The following CTIF variants were observed in gnomAD, a reference collection of about 807,000 sequenced individuals.
The protein encoded by CTIF is cap binding complex dependent translation initiation factor.
CTIF carries 21 observed loss-of-function variants against 66.0 expected under a neutral mutation model. That is an observed-to-expected ratio of 0.32 (90% CI 0.23 to 0.46). The LOEUF is 0.46. Ranked by LOEUF, CTIF falls within the 20% of genes least tolerant of loss-of-function variation. The probability of loss-of-function intolerance (pLI) is 1.00; values close to 1 mark genes in which losing one functional copy is unlikely to be tolerated. For missense variants in CTIF, 739 were observed against 812.7 expected (o/e 0.91, Z 1.10); for synonymous variants, 345 against 326.4 (o/e 1.06, Z -0.62).
chr18:48,626,165 C>T (rs1331144967), intron 2 of CTIF, among the ~76,000 whole-genome samples: 1 of 151,636 alleles, frequency 6.6e-6, no homozygotes, highest in African/African-American at 2.4e-5. Flanking sequence ...CCACACCTGG[C>T]TAATTTTCGT....
chr18:48,685,534 C>A (rs554542148), intron 6 of CTIF, among the ~76,000 whole-genome samples: 3 of 151,806 alleles, frequency 2.0e-5, no homozygotes, highest in African/African-American at 7.3e-5. Context: ...AGTATGTGCA[C>A]TTTTTAAGGG....
intron 6 of CTIF, among the ~76,000 whole-genome samples, chr18:48,677,462 C>T (rs1325796061): frequency 2.0e-5 from 3 of 152,206 alleles, no homozygotes; most frequent in Non-Finnish European, 4.4e-5. Context: ...CAACAAGGAG[C>T]GTAATGCACC....
intron 11 of CTIF, among the ~76,000 whole-genome samples, chr18:48,858,221 G>A (rs2069374332): frequency 6.6e-6 from 1 of 152,246 alleles, no homozygotes; most frequent in Admixed American, 6.5e-5. Flanking sequence ...TCCAGACGAG[G>A]ACCTGGGCCT....
intron 1 of CTIF, among the ~76,000 whole-genome samples, chr18:48,589,301 G>C (rs1363668023): frequency 6.6e-6 from 1 of 152,102 alleles, no homozygotes; most frequent in Non-Finnish European, 1.5e-5. Context: ...CTCCTGGCTC[G>C]AGGCAGCTCC....
chr18:48,760,367 T>G (rs527772246), intron 8 of CTIF: 1 of 152,054 alleles, frequency 6.6e-6, no homozygotes, highest in Non-Finnish European at 1.5e-5. Flanking sequence ...GATCCCACCA[T>G]GGAAGGGCTC....
intron 3 of CTIF, among the ~76,000 whole-genome samples, chr18:48,644,323 G>T (rs1172627539): frequency 6.6e-6 from 1 of 152,222 alleles, no homozygotes; most frequent in East Asian, 1.9e-4. Flanking sequence ...TGCATGGAGG[G>T]TAGAGTGGAG....
At chr18:48,828,224 A>G (rs1018146855) in intron 10 of CTIF, among the ~76,000 whole-genome samples, 1 of 152,210 alleles carries the variant, frequency 6.6e-6, no homozygotes, top group African/African-American at 2.4e-5. Context: ...GTTTTTAAAC[A>G]GTCTTAAAAC....
rs1292177439 is a variant in CTIF, at chr18:48,730,657, C to CCGCGG, written c.584+18962_584+18963insCGCGG. ...GGGGCCCCTGTGGTGTGAGGGGCTTCTGCGGTGTGAGGGGCTTCTGCGGTG... is the reference window on the plus strand; with the variant it reads ...GGGGCCCCTGTGGTGTGAGGGGCTTCCGCGGTGCGGTGTGAGGGGCTTCTGCGGTG... On this transcript the variant is annotated intron_variant, in intron 7 of 11. Transcript: ENST00000256413. Among the ~76,000 whole-genome samples the CCGCGG allele has an allele frequency of 7.0e-5, 10 of 143,684 alleles. 1 individual carries two copies. The highest frequency in any genetic ancestry group is 1.4e-4 in the Non-Finnish European group (9 of 64,436). The allele number at this position is 143,684 out of a possible 152,430, so 94.3% of individuals were successfully genotyped here.
At chr18:48,775,429 C>T (rs1033677076) in intron 9 of CTIF, among the ~76,000 whole-genome samples, 10 of 152,204 alleles carry the variant, frequency 6.6e-5, no homozygotes, top group Non-Finnish European at 1.3e-4. Flanking sequence ...CATGAGATGC[C>T]CACGCAGAGA....
At chr18:48,557,790 C>T (rs930096891) in intron 1 of CTIF, among the ~76,000 whole-genome samples, 2 of 152,244 alleles carry the variant, frequency 1.3e-5, no homozygotes, top group African/African-American at 4.8e-5. Context: ...CAGACAGCTG[C>T]CCTCTTGCTG....
intron 10 of CTIF, among the ~76,000 whole-genome samples, chr18:48,820,271 A>G (rs999666714): frequency 6.6e-6 from 1 of 152,188 alleles, no homozygotes; most frequent in Non-Finnish European, 1.5e-5. Context: ...TGCCTTTCGC[A>G]GCTCCGTAGG....
At chr18:48,670,588 C>G in intron 5 of CTIF, 81 bp from the exon 6 acceptor site, 1 of 1,285,968 alleles carries the variant, frequency 7.8e-7, no homozygotes, top group Non-Finnish European at 1.1e-6. Flanking sequence ...TGCTGACTGT[C>G]CCTCCTCTCC....
At chr18:48,816,303 A>G (rs1458824900) in intron 9 of CTIF, among the ~76,000 whole-genome samples, 1 of 152,236 alleles carries the variant, frequency 6.6e-6, no homozygotes, top group Non-Finnish European at 1.5e-5. Context: ...TATGGCCAAA[A>G]CCAAAGACAA....
chr18:48,684,759 C>CGCT (rs1185365174), intron 6 of CTIF, among the ~76,000 whole-genome samples: 2 of 152,158 alleles, frequency 1.3e-5, no homozygotes, highest in African/African-American at 4.8e-5. Flanking sequence ...TTACCATACT[C>CGCT]GCTTTATCAT....
chr18:48,568,948 T>C (rs2143612126), intron 1 of CTIF, among the ~76,000 whole-genome samples: 1 of 152,216 alleles, frequency 6.6e-6, no homozygotes, highest in East Asian at 1.9e-4. Flanking sequence ...GAGATTTGGG[T>C]GGGGACATAG....
At chr18:48,721,292 A>G (rs1360582080) in intron 7 of CTIF, among the ~76,000 whole-genome samples, 1 of 152,202 alleles carries the variant, frequency 6.6e-6, no homozygotes, top group Non-Finnish European at 1.5e-5. Flanking sequence ...GGCCCTGGAG[A>G]GATAAATGCC....
chr18:48,853,363 G>A (rs550410307), intron 10 of CTIF, among the ~76,000 whole-genome samples: 43 of 152,300 alleles, frequency 2.8e-4, no homozygotes, highest in Admixed American at 2.3e-3. Context: ...GAGGGAGTGA[G>A]GTCTGTGGAT....
At chr18:48,791,480 C>T (rs2067790930) in intron 9 of CTIF, among the ~76,000 whole-genome samples, 2 of 152,186 alleles carry the variant, frequency 1.3e-5, no homozygotes, top group Non-Finnish European at 2.9e-5. Context: ...CAGGGTTGGG[C>T]AGCCTCTACC....
intron 10 of CTIF, among the ~76,000 whole-genome samples, chr18:48,832,056 T>TA (rs2068703042): frequency 6.6e-6 from 1 of 151,996 alleles, no homozygotes; most frequent in African/African-American, 2.4e-5. Context: ...TAGCCTCTCA[T>TA]AGCACCAGGC....
Sources: gnomAD v4.1 joint callset for allele counts (sites outside exome capture counted in the v4.1 genomes callset) on GRCh38, gnomAD v4.1.1 for gene constraint, MANE v1.5 for transcripts, NCBI Gene and HGNC (gene_info 2026-07-23, HGNC 2026-07-21) for gene names.